Variants in CNOT6L observed in about 807,000 individuals in gnomAD.
CNOT6L encodes the protein CCR4-NOT transcription complex subunit 6 like.
CNOT6L carries 7 observed loss-of-function variants against 64.0 expected under a neutral mutation model. The ratio of observed to expected loss-of-function variants is 0.11; its 90% CI spans 0.06 to 0.21. The LOEUF (loss-of-function observed/expected upper bound fraction) is 0.21. Among genes scored for constraint, CNOT6L ranks in the 10% least tolerant of loss-of-function variants. The pLI is 1.00. For synonymous variants in CNOT6L, 193 were observed against 243.4 expected (o/e 0.79, Z 1.93); for missense variants, 245 against 669.0 (o/e 0.37, Z 6.99).
chr4:77,743,258 C>T (rs1723792751), intron 7 of CNOT6L, among the ~76,000 whole-genome samples: 1 of 151,912 alleles, frequency 6.6e-6, no homozygotes, highest in African/African-American at 2.4e-5. Flanking sequence ...TATAGCATTG[C>T]TTTTATAATA....
chr4:77,767,483 G>A (rs1312506238), intron 4 of CNOT6L, among the ~76,000 whole-genome samples: 3 of 152,104 alleles, frequency 2.0e-5, no homozygotes, highest in Non-Finnish European at 2.9e-5. Context: ...ATTGGTACAA[G>A]GTTAGACAAA....
intron 4 of CNOT6L, among the ~76,000 whole-genome samples, chr4:77,767,117 A>AG (rs1372770608): frequency 6.6e-6 from 1 of 150,960 alleles, no homozygotes; most frequent in Non-Finnish European, 1.5e-5. Context: ...TTTACAATAA[A>AG]AAAAAAAAAA....
At chr4:77,800,671 A>C (rs1731429815) in intron 1 of CNOT6L, among the ~76,000 whole-genome samples, 1 of 152,222 alleles carries the variant, frequency 6.6e-6, no homozygotes, top group Non-Finnish European at 1.5e-5. Flanking sequence ...AGGTGTTAAA[A>C]CTAGTATGAC....
intron 5 of CNOT6L, among the ~76,000 whole-genome samples, chr4:77,750,361 TG>T (rs1724718720): frequency 6.6e-6 from 1 of 151,200 alleles, no homozygotes; most frequent in Admixed American, 6.6e-5. Flanking sequence ...AAAGTCAGTT[TG>T]TTTTTTTTTG....
intron 9 of CNOT6L, 95 bp downstream of exon 9, chr4:77,731,292 C>T (rs908121067): frequency 1.5e-5 from 18 of 1,179,826 alleles, no homozygotes; most frequent in Non-Finnish European, 2.2e-5. Context: ...AATAACTTTG[C>T]AATAAATAAC....
chr4:77,776,762 G>T (rs1398573090), intron 1 of CNOT6L, among the ~76,000 whole-genome samples: 1 of 152,168 alleles, frequency 6.6e-6, no homozygotes, highest in Non-Finnish European at 1.5e-5. Flanking sequence ...CCTTTCCTCA[G>T]TGATATTCAG....
chr4:77,744,918 T>C, intron 6 of CNOT6L, 43 bp from the exon 7 acceptor site: 2 of 1,549,224 alleles, frequency 1.3e-6, no homozygotes, highest in Non-Finnish European at 1.7e-6. Context: ...GGGAGAAAAT[T>C]AGGCAACTTT....
intron 1 of CNOT6L, among the ~76,000 whole-genome samples, chr4:77,809,196 C>G: frequency 6.6e-6 from 1 of 152,092 alleles, no homozygotes; most frequent in East Asian, 1.9e-4. Context: ...ACTTTCTTAA[C>G]CAGCTTCAGA....
chr4:77,795,922 A>C (rs1250668868), intron 1 of CNOT6L, among the ~76,000 whole-genome samples: 1 of 152,232 alleles, frequency 6.6e-6, no homozygotes, highest in Admixed American at 6.5e-5. Context: ...CTACAAATTT[A>C]ACACAATCCC....
chr4:77,750,869 G>A (rs1185724711), intron 5 of CNOT6L, among the ~76,000 whole-genome samples: 1 of 152,222 alleles, frequency 6.6e-6, no homozygotes, highest in African/African-American at 2.4e-5. Context: ...CAGTGCAGGT[G>A]TCAGCTGAAC....
intron 1 of CNOT6L, among the ~76,000 whole-genome samples, chr4:77,801,545 A>C (rs1175105460): frequency 6.6e-6 from 1 of 152,136 alleles, no homozygotes; most frequent in Non-Finnish European, 1.5e-5. Flanking sequence ...AGTTACTAAG[A>C]GTCAAGGAAT....
At chr4:77,724,948 G>A (rs187088962) in intron 11 of CNOT6L, among the ~76,000 whole-genome samples, 3,485 of 152,116 alleles carry the variant, frequency 0.023, 61 homozygotes, top group Non-Finnish European at 0.032. Flanking sequence ...ATGGTATCAT[G>A]TTGGAAGATA....
chr4:77,819,440 G>C, upstream of CNOT6L: 1 of 1,575,698 alleles, frequency 6.3e-7, no homozygotes, highest in South Asian at 1.1e-5. Context: ...CGCAGACGCA[G>C]ACGCAAACAC....
chr4:77,743,982 T>A (rs1201176795), intron 7 of CNOT6L, among the ~76,000 whole-genome samples: 3 of 152,164 alleles, frequency 2.0e-5, no homozygotes, highest in Non-Finnish European at 4.4e-5. Context: ...CCTCATTTGA[T>A]CATTTAAAAA....
intron 9 of CNOT6L, among the ~76,000 whole-genome samples, chr4:77,729,383 T>TAA (rs1187415149): frequency 6.6e-6 from 1 of 152,202 alleles, no homozygotes; most frequent in Admixed American, 6.5e-5. Flanking sequence ...AATAATGTAG[T>TAA]AAGGCAGGTT....
rs1720690752 is a variant in CNOT6L, at chr4:77,715,820, G to C, written c.*4611C>G. On this transcript the variant is annotated 3_prime_UTR_variant, in exon 12 of 12. Coordinates refer to ENST00000504123, the MANE Select transcript of CNOT6L (RefSeq NM_144571.3). ...AGGTGAGCATATCATTCTATAAAAT[G>C]AAAGATGCTCTTGGCATCCTGTTCT... 1 of 152,464 alleles carries C rather than the reference G, an allele frequency of 6.6e-6. No individual in the cohort carries two copies. The highest frequency in any genetic ancestry group is 1.5e-5 in the Non-Finnish European group (1 of 67,976). The allele number at this position is 152,464 out of a possible 1,614,324, so 9.4% of individuals were successfully genotyped here. A position where few individuals can be genotyped will look rare whatever the true frequency, so the allele number is the denominator to read the frequency against.
At chr4:77,758,749 T>C (rs900837396) in intron 4 of CNOT6L, among the ~76,000 whole-genome samples, 19 of 152,338 alleles carry the variant, frequency 1.2e-4, no homozygotes, top group African/African-American at 4.6e-4. Context: ...CACACTTTCC[T>C]AAGTTTTACT....
In CNOT6L at chr4:77,713,909, A is replaced by G. The variant is rs756063976; in HGVS notation, c.*6522T>C. 3 of 152,226 alleles carry G rather than the reference A, an allele frequency of 2.0e-5. No homozygotes were observed. The highest frequency in any genetic ancestry group is 4.4e-5 in the Non-Finnish European group (3 of 68,036). The allele number at this position is 152,226 out of a possible 1,614,324, so 9.4% of individuals were successfully genotyped here. On this transcript the variant is annotated 3_prime_UTR_variant, in exon 12 of 12. Coordinates refer to ENST00000504123, the MANE Select transcript of CNOT6L (RefSeq NM_144571.3). ...AAACATTAAACACTAGCAAGCTACA[A>G]TTACATGGCACTTCATTAAATAGTC...
intron 1 of CNOT6L, among the ~76,000 whole-genome samples, chr4:77,778,770 C>T (rs1380745121): frequency 6.6e-6 from 1 of 151,506 alleles, no homozygotes; most frequent in Non-Finnish European, 1.5e-5. Context: ...GCAGGCCGGG[C>T]ACGGTGGCTC....
Sources: allele counts gnomAD v4.1 joint callset (sites outside exome capture counted in the v4.1 genomes callset), GRCh38; gene constraint gnomAD v4.1.1; transcripts MANE v1.5; gene names NCBI Gene and HGNC (gene_info 2026-07-23, HGNC 2026-07-21).